CTNNA3: variants seen among roughly 807,000 people sequenced by gnomAD.
CTNNA3 encodes the protein catenin alpha 3.
In CTNNA3, 76 loss-of-function variants were observed where a neutral mutation model predicts 95.7. The observed-to-expected ratio is 0.79, with a 90% CI of 0.66 to 0.96. CTNNA3 has a LOEUF of 0.96. Among genes scored for constraint, CTNNA3 ranks in the 40% least tolerant of loss-of-function variants. The pLI, the probability that CTNNA3 is intolerant of heterozygous loss-of-function variation, is 0.00. For missense variants in CTNNA3, 1,191 were observed against 1,089.8 expected (o/e 1.09, Z -1.31); for synonymous variants, 431 against 374.4 (o/e 1.15, Z -1.74).
At chr10:67,656,277 C>A (rs768597185) in intron 1 of CTNNA3, among the ~76,000 whole-genome samples, 8 of 152,088 alleles carry the variant, frequency 5.3e-5, no homozygotes, top group Non-Finnish European at 1.2e-4. Flanking sequence ...ATAGTTGGGT[C>A]TCATTCTTTT....
intron 1 of CTNNA3, among the ~76,000 whole-genome samples, chr10:67,660,748 A>G (rs1840160903): frequency 1.3e-5 from 2 of 151,886 alleles, no homozygotes; most frequent in South Asian, 2.1e-4. Context: ...TGGCTAACAC[A>G]GTGAAACCCC....
intron 11 of CTNNA3, among the ~76,000 whole-genome samples, chr10:66,517,494 C>T (rs1387852917): frequency 2.0e-5 from 3 of 152,072 alleles, no homozygotes; most frequent in African/African-American, 7.2e-5. Flanking sequence ...TCTGCTCATC[C>T]TCACTACTAC....
At chr10:66,380,617 C>CTATA (rs1311081871) in intron 11 of CTNNA3, among the ~76,000 whole-genome samples, 16 of 114,840 alleles carry the variant, frequency 1.4e-4, no homozygotes, top group African/African-American at 6.3e-4. Flanking sequence ...ATCTATCTAT[C>CTATA]TATCTATCTA....
chr10:66,268,440 G>A (rs2132122540), intron 13 of CTNNA3, among the ~76,000 whole-genome samples: 1 of 152,276 alleles, frequency 6.6e-6, no homozygotes, highest in African/African-American at 2.4e-5. Context: ...ACCATGCTGT[G>A]AGAAAGCCAA....
At chr10:67,168,456 C>T (rs1861876773) in intron 7 of CTNNA3, among the ~76,000 whole-genome samples, 2 of 152,118 alleles carry the variant, frequency 1.3e-5, no homozygotes, top group South Asian at 4.1e-4. Flanking sequence ...GACTTCATCC[C>T]CAGAATGCAA....
chr10:66,793,752 CTT>C (rs1207255125), intron 7 of CTNNA3, among the ~76,000 whole-genome samples: 2 of 151,626 alleles, frequency 1.3e-5, no homozygotes, highest in African/African-American at 4.8e-5. Flanking sequence ...TTTTTTTTAA[CTT>C]GAGCTGTTAT....
intron 10 of CTNNA3, among the ~76,000 whole-genome samples, chr10:66,594,077 G>C (rs531429699): frequency 6.6e-6 from 1 of 152,088 alleles, no homozygotes; most frequent in South Asian, 2.1e-4. Flanking sequence ...AAACAATACT[G>C]ACCAAACGGA....
intron 5 of CTNNA3, among the ~76,000 whole-genome samples, chr10:67,370,825 T>G (rs1843399010): frequency 6.6e-6 from 1 of 151,946 alleles, no homozygotes; most frequent in Non-Finnish European, 1.5e-5. Context: ...TTGTTTGCAT[T>G]ACATTAAATA....
intron 11 of CTNNA3, among the ~76,000 whole-genome samples, chr10:66,471,302 TTA>T (rs1199202365): frequency 6.6e-6 from 1 of 151,972 alleles, no homozygotes; most frequent in East Asian, 1.9e-4. Flanking sequence ...TCTAGTATTA[TTA>T]TATCTTTCTT....
At chr10:66,816,611 T>C (rs2132278686) in intron 7 of CTNNA3, among the ~76,000 whole-genome samples, 1 of 152,052 alleles carries the variant, frequency 6.6e-6, no homozygotes, top group East Asian at 1.9e-4. Flanking sequence ...TAATAAATAA[T>C]AGAACAACTA....
chr10:66,526,158 G>T (rs1841250890), intron 10 of CTNNA3, among the ~76,000 whole-genome samples: 1 of 152,000 alleles, frequency 6.6e-6, no homozygotes, highest in Admixed American at 6.6e-5. Context: ...ATTATTTGGG[G>T]TATATGCCCA....
At chr10:66,128,299 A>AG (rs2082918689) in intron 13 of CTNNA3, among the ~76,000 whole-genome samples, 1 of 152,206 alleles carries the variant, frequency 6.6e-6, no homozygotes, top group African/African-American at 2.4e-5. Flanking sequence ...AATTTCTCTG[A>AG]GAAAAACTTT....
chr10:66,928,289 T>G (rs1384750374), intron 7 of CTNNA3: 2 of 1,614,058 alleles, frequency 1.2e-6, no homozygotes, highest in Non-Finnish European at 1.7e-6. Flanking sequence ...CGCTCCCTCA[T>G]GCGAAGGCAC....
intron 7 of CTNNA3, among the ~76,000 whole-genome samples, chr10:66,899,588 C>T (rs927941607): frequency 6.6e-6 from 1 of 152,094 alleles, no homozygotes; most frequent in Non-Finnish European, 1.5e-5. Flanking sequence ...GAGGATTTCC[C>T]TTTTCTAGAC....
At chr10:66,627,009 T>C (rs946615164) in intron 9 of CTNNA3, among the ~76,000 whole-genome samples, 1 of 152,054 alleles carries the variant, frequency 6.6e-6, no homozygotes, top group Non-Finnish European at 1.5e-5. Context: ...TTAATTTTCA[T>C]GTGTTTGAAT....
At chr10:67,029,049 A>G (rs1029362654) in intron 7 of CTNNA3, among the ~76,000 whole-genome samples, 3 of 152,106 alleles carry the variant, frequency 2.0e-5, no homozygotes, top group African/African-American at 4.8e-5. Context: ...CTAGCCCAGG[A>G]GTATATGTGG....
intron 7 of CTNNA3, among the ~76,000 whole-genome samples, chr10:66,851,614 C>CCT (rs58166318): frequency 1.3e-5 from 2 of 148,288 alleles, no homozygotes; most frequent in African/African-American, 2.5e-5. Flanking sequence ...TCCCCACCCA[C>CCT]CTCTCTCTTT....
intron 9 of CTNNA3, among the ~76,000 whole-genome samples, chr10:66,654,754 C>A (rs983139434): frequency 6.6e-6 from 1 of 151,968 alleles, no homozygotes; most frequent in Non-Finnish European, 1.5e-5. Flanking sequence ...CATATACACA[C>A]AATAAAATAC....
intron 5 of CTNNA3, among the ~76,000 whole-genome samples, chr10:67,362,302 C>A (rs1843018592): frequency 6.6e-6 from 1 of 151,960 alleles, no homozygotes; most frequent in Non-Finnish European, 1.5e-5. Flanking sequence ...ATACCAAAAC[C>A]TGACAAAGAC....
Sources: gnomAD v4.1 joint callset for allele counts (sites outside exome capture counted in the v4.1 genomes callset) on GRCh38, gnomAD v4.1.1 for gene constraint, MANE v1.5 for transcripts, NCBI Gene and HGNC (gene_info 2026-07-23, HGNC 2026-07-21) for gene names.